ADRA1A: variants seen among roughly 807,000 people sequenced by gnomAD.
ADRA1A encodes the protein adrenoceptor alpha 1A.
In ADRA1A, 31 loss-of-function variants were observed where a neutral mutation model predicts 29.6. The observed-to-expected ratio is 1.05, with a 90% CI of 0.79 to 1.41. The LOEUF (loss-of-function observed/expected upper bound fraction) is 1.41, where lower values mean the gene tolerates loss of function less well. Ranked by LOEUF, ADRA1A falls within the 40% of genes most tolerant of loss-of-function variation. The pLI, the probability that ADRA1A is intolerant of heterozygous loss-of-function variation, is 0.00. For synonymous variants in ADRA1A, 311 were observed against 254.3 expected (o/e 1.22, Z -2.12); for missense variants, 619 against 601.1 (o/e 1.03, Z -0.31).
At position 26,828,369 on chromosome 8, in the gene ADRA1A, A is replaced by G. The variant is rs571714715; in HGVS notation, c.883+35718T>C. ...ATGGTTACGAAAGCTTCAAGTCCTCATTAGAGACAAACTTTGGTGTTAGGC... is the reference window on the plus strand; with the variant it reads ...ATGGTTACGAAAGCTTCAAGTCCTCGTTAGAGACAAACTTTGGTGTTAGGC... On this transcript the variant is annotated intron_variant, in intron 2 of 2. Coordinates refer to ENST00000380573, the MANE Select transcript of ADRA1A (RefSeq NM_000680.4). Among the ~76,000 whole-genome samples, 16 of 152,322 alleles carry G rather than the reference A, an allele frequency of 1.1e-4. No individual in the cohort carries two copies. The South Asian group carries it at 2.9e-3, about 28-fold the overall frequency.
In ADRA1A at chr8:26,811,926, A is replaced by G. The variant is rs920603891; in HGVS notation, c.884-41260T>C. On this transcript the variant is annotated intron_variant, in intron 2 of 2. Coordinates refer to ENST00000380573, the MANE Select transcript of ADRA1A (RefSeq NM_000680.4). ...ATCAGTGCTTTGTTCCTTTTTATTT[A>G]TAGTAGGAATATAACACAATTTATT... Among the ~76,000 whole-genome samples the G allele has an allele frequency of 7.9e-5, 12 of 152,294 alleles. No homozygotes were observed. In the East Asian group the frequency reaches 2.1e-3, roughly 27 times the overall value.
At chr8:26,779,072 A>T (rs1806763020) in intron 2 of ADRA1A, 1 of 442,886 alleles carries the variant, frequency 2.3e-6, no homozygotes. Flanking sequence ...ATTTCACGGT[A>T]CATATCACAG....
intron 2 of ADRA1A, among the ~76,000 whole-genome samples, chr8:26,817,830 T>C (rs982168705): frequency 1.3e-5 from 2 of 152,154 alleles, no homozygotes; most frequent in Non-Finnish European, 2.9e-5. Context: ...CAGAAATTCA[T>C]TTGCTGATGT....
At chr8:26,779,253 T>C (rs1268529482) in intron 2 of ADRA1A, 1 of 700,534 alleles carries the variant, frequency 1.4e-6, no homozygotes, top group Non-Finnish European at 2.6e-6. Flanking sequence ...TAGTTCCTTC[T>C]CCCTTTTTTT....
chr8:26,841,882 C>A lies in ADRA1A; in HGVS notation c.883+22205G>T, dbSNP rs1811841092. On this transcript the variant is annotated intron_variant, in intron 2 of 2. Coordinates refer to ENST00000380573, the MANE Select transcript of ADRA1A (RefSeq NM_000680.4). This position sits in a 1 kb window ranked among gnomAD's most constrained non-coding sequence, Gnocchi z 4.4. ...TTTCTCTTCACTAAAATTCTCTCTTCTTTTTGTTGCCAGGATTTTATGCTG... is the reference window on the plus strand; with the variant it reads ...TTTCTCTTCACTAAAATTCTCTCTTATTTTTGTTGCCAGGATTTTATGCTG... Among the ~76,000 whole-genome samples, 1 of 152,136 alleles carries A rather than the reference C, an allele frequency of 6.6e-6. No homozygotes were observed. Among genetic ancestry groups the A allele is most frequent in the Admixed American group, 6.5e-5 (1 of 15,274 alleles).
Position 26,796,604 on chromosome 8 carries a change from G to A in ADRA1A, c.884-25938C>T, listed in dbSNP as rs958937897. Reference sequence around the variant, plus strand: ...ATTCGAGGACAAATGTATCCTACACGTGGCCGCAGAGAACAGACACCATGG... The same window carrying A: ...ATTCGAGGACAAATGTATCCTACACATGGCCGCAGAGAACAGACACCATGG... On this transcript the variant is annotated intron_variant, in intron 2 of 2. Transcript: ENST00000380573. The surrounding 1 kb of genome is among the most constrained non-coding windows in gnomAD (Gnocchi z 5.0). Among the ~76,000 whole-genome samples the A allele has an allele frequency of 2.6e-5, 4 of 152,084 alleles. No individual in the cohort carries two copies. The highest frequency in any genetic ancestry group is 5.9e-5 in the Non-Finnish European group (4 of 68,024).
intron 2 of ADRA1A, among the ~76,000 whole-genome samples, chr8:26,810,472 A>T (rs955193602): frequency 6.6e-6 from 1 of 152,210 alleles, no homozygotes. Context: ...TAAAATGGAG[A>T]ATTGTTCAAG....
At chr8:26,780,243 C>G (rs1313248115) in intron 2 of ADRA1A, among the ~76,000 whole-genome samples, 1 of 150,590 alleles carries the variant, frequency 6.6e-6, no homozygotes, top group African/African-American at 2.5e-5. Flanking sequence ...GTAGAATGGT[C>G]AGGAACATGC....
downstream of ADRA1A, among the ~76,000 whole-genome samples, chr8:26,762,475 G>T (rs1252894040): frequency 3.3e-5 from 5 of 152,148 alleles, no homozygotes; most frequent in African/African-American, 1.2e-4. This position sits in a 1 kb window ranked among gnomAD's most constrained non-coding sequence, Gnocchi z 4.0. Context: ...TCATCACTCA[G>T]AGCTATGCAT....
At chr8:26,757,835 A>G (rs1805274052) in intron 2 of ADRA1A, among the ~76,000 whole-genome samples, 1 of 147,504 alleles carries the variant, frequency 6.8e-6, no homozygotes. Flanking sequence ...TCTCTTTCCC[A>G]TAACATCATT....
intron 2 of ADRA1A, among the ~76,000 whole-genome samples, chr8:26,828,592 G>T (rs1810755727): frequency 6.6e-6 from 1 of 152,226 alleles, no homozygotes; most frequent in Admixed American, 6.5e-5. Context: ...GCACAGGTCT[G>T]TGATGCCGAG....
In ADRA1A at chr8:26,769,726, T is replaced by C. The variant is rs996317387; in HGVS notation, c.*423A>G. 25 of 989,444 alleles carry C rather than the reference T, an allele frequency of 2.5e-5. No individual in the cohort carries two copies. The highest frequency in any genetic ancestry group is 2.9e-5 in the Non-Finnish European group (24 of 832,914). 61.3% of individuals were successfully genotyped at this position (989,444 alleles called of 1,614,324 possible). On this transcript the variant is annotated 3_prime_UTR_variant, in exon 3 of 3. Transcript: ENST00000380573. ...TCCCCATAAATGTCAAATGTGGCTG[T>C]CAGTAGGTTGAGCCTGAAAATAAAA...
rs1229307094 is a variant in ADRA1A, at chr8:26,864,560, A to G, written c.410T>C (p.Ile137Thr). 20 of 1,614,036 alleles carry G rather than the reference A, an allele frequency of 1.2e-5. No individual in the cohort carries two copies. In the East Asian group the frequency reaches 2.0e-4, roughly 16 times the overall value. ...CATGAGACCCCTCCTCTGGGTGACG[A>G]TGGTTGGGTAGCGCAGCGGGTAGCT... ...GVSYPLRYPT[I>T]VTQRRGLMAL... The change falls in exon 2 of 3, where the codon ATC (isoleucine) becomes ACC (threonine). Residue 137 changes from isoleucine (I) to threonine (T), a missense_variant. Coordinates refer to ENST00000380573, the MANE Select transcript of ADRA1A (RefSeq NM_000680.4). This position sits in a 1 kb window ranked among gnomAD's most constrained non-coding sequence, Gnocchi z 8.1.
chr8:26,767,116 T>A (rs1805834228), downstream of ADRA1A, among the ~76,000 whole-genome samples: 1 of 152,174 alleles, frequency 6.6e-6, no homozygotes, highest in Admixed American at 6.5e-5. Context: ...AGTTGCAGAA[T>A]AAACTCAAAT....
In ADRA1A at chr8:26,866,448, C is replaced by T. The variant is rs927505912; in HGVS notation, c.-687+488G>A. Among the ~76,000 whole-genome samples, 11 of 152,126 alleles carry T rather than the reference C, an allele frequency of 7.2e-5. No individual in the cohort carries two copies. Among genetic ancestry groups the T allele is most frequent in the African/African-American group, 2.7e-4 (11 of 41,448 alleles). On this transcript the variant is annotated intron_variant, in intron 1 of 2. Coordinates refer to ENST00000380573, the MANE Select transcript of ADRA1A (RefSeq NM_000680.4). This position sits in a 1 kb window ranked among gnomAD's most constrained non-coding sequence, Gnocchi z 5.7. ...TCACTGCGGATTTTGCAGGCGTAAA[C>T]ATTAAGCCGGCATGCCAGCGGGCAG...
rs188492279 is a variant in ADRA1A, at chr8:26,790,470, G to C, written c.884-19804C>G. On this transcript the variant is annotated intron_variant, in intron 2 of 2. Transcript: ENST00000380573. ...AAGGCTGGGAAGAATCGTGGGGAGG[G>C]GGATAGGGAGAGATTGGGTAAAGGA... 2.7e-3 allele frequency among the ~76,000 whole-genome samples: 413 copies of C among 152,194 alleles called. 8 individuals are homozygous for C. Among genetic ancestry groups the C allele is most frequent in the Admixed American group, 0.023 (352 of 15,276 alleles).
At chr8:26,854,427 G>GGGT (rs1554512994) in intron 2 of ADRA1A, 2 of 116,990 alleles carry the variant, frequency 1.7e-5, no homozygotes, top group Non-Finnish European at 3.6e-5. Flanking sequence ...GCGGGGCGGG[G>GGGT]GGGGGGAGCA....
intron 2 of ADRA1A, among the ~76,000 whole-genome samples, chr8:26,824,464 T>G (rs1459896102): frequency 4.6e-5 from 7 of 152,308 alleles, no homozygotes; most frequent in African/African-American, 1.7e-4. Context: ...GTAAGGTTAT[T>G]GTGAGGATCG....
chr8:26,822,060 A>G lies in ADRA1A; in HGVS notation c.883+42027T>C, dbSNP rs146638074. On this transcript the variant is annotated intron_variant, in intron 2 of 2. Transcript: ENST00000380573. ...AAAGCTGCTGTAAAAACTCCTGTACAAGTTTTTTGTGTGACCATAAATTTT... is the reference window on the plus strand; with the variant it reads ...AAAGCTGCTGTAAAAACTCCTGTACGAGTTTTTTGTGTGACCATAAATTTT... 8.8e-4 allele frequency among the ~76,000 whole-genome samples: 134 copies of G among 152,316 alleles called. 3 individuals carry two copies. The East Asian group carries it at 0.024, about 27-fold the overall frequency.
Sources: allele counts gnomAD v4.1 joint callset (sites outside exome capture counted in the v4.1 genomes callset), GRCh38; gene constraint gnomAD v4.1.1; non-coding constraint Gnocchi (gnomAD v3.1); transcripts MANE v1.5; gene names NCBI Gene and HGNC (gene_info 2026-07-23, HGNC 2026-07-21).